The following CAMK2B variants were observed in gnomAD, a reference collection of about 807,000 sequenced individuals.
The protein encoded by CAMK2B is calcium/calmodulin-dependent protein kinase type II subunit beta.
CAMK2B carries 27 observed loss-of-function variants against 93.7 expected under a neutral mutation model. That is an observed-to-expected ratio of 0.29 (90% CI 0.21 to 0.40). CAMK2B has a LOEUF of 0.40. Ranked by LOEUF, CAMK2B falls within the 10% of genes least tolerant of loss-of-function variation. The pLI is 1.00. For synonymous variants in CAMK2B, 374 were observed against 358.8 expected (o/e 1.04, Z -0.48); for missense variants, 568 against 895.8 (o/e 0.63, Z 4.67).
intron 6 of CAMK2B, among the ~76,000 whole-genome samples, chr7:44,244,398 G>C (rs534111803): frequency 6.6e-6 from 1 of 152,060 alleles, no homozygotes; most frequent in Non-Finnish European, 1.5e-5. Context: ...AAACCCCATC[G>C]GGCTCTGGCC....
At chr7:44,267,537 G>A (rs547952998) in intron 2 of CAMK2B, among the ~76,000 whole-genome samples, 23 of 152,300 alleles carry the variant, frequency 1.5e-4, no homozygotes, top group African/African-American at 5.5e-4. Flanking sequence ...AGGCAAGGGC[G>A]TATGTGTGTG....
chr7:44,231,649 C>T (rs1368172032), intron 16 of CAMK2B, among the ~76,000 whole-genome samples: 1 of 152,230 alleles, frequency 6.6e-6, no homozygotes, highest in Non-Finnish European at 1.5e-5. Flanking sequence ...GGCCTGGCCC[C>T]AGGCAGAGCA....
chr7:44,260,906 G>A (rs1422534120), intron 3 of CAMK2B, among the ~76,000 whole-genome samples: 2 of 152,176 alleles, frequency 1.3e-5, no homozygotes, highest in African/African-American at 4.8e-5. Context: ...TCAGCACCCT[G>A]GGCGGAGGGC....
chr7:44,269,583 G>C (rs1425126135), intron 2 of CAMK2B, among the ~76,000 whole-genome samples: 3 of 152,072 alleles, frequency 2.0e-5, no homozygotes, highest in Non-Finnish European at 2.9e-5. Context: ...AGGAACCAGG[G>C]ATAAGGGGAA....
intron 1 of CAMK2B, among the ~76,000 whole-genome samples, chr7:44,307,610 C>A (rs1792265963): frequency 6.6e-6 from 1 of 152,012 alleles, no homozygotes; most frequent in Non-Finnish European, 1.5e-5. Context: ...ACATCAGGGG[C>A]CAACCTACTC....
chr7:44,302,703 C>T (rs1007405353), intron 1 of CAMK2B, among the ~76,000 whole-genome samples: 2 of 152,142 alleles, frequency 1.3e-5, no homozygotes, highest in African/African-American at 4.8e-5. Flanking sequence ...AAAAATCCAA[C>T]ACTGTTTCAT....
In CAMK2B at chr7:44,281,327, T is replaced by A. The variant is rs534348624; in HGVS notation, c.160+2804A>T. On this transcript the variant is annotated intron_variant, in intron 2 of 23. Transcript: ENST00000395749. ...TCCATGATGGGGCAGCCACGGGACA[T>A]ATGAGCTGCTCCCTGGGGCCAGGAG... 1.1e-4 allele frequency among the ~76,000 whole-genome samples: 16 copies of A among 152,310 alleles called. No individual in the cohort carries two copies. The East Asian group carries it at 3.1e-3, about 29-fold the overall frequency.
Position 44,311,414 on chromosome 7 carries a change from G to A in CAMK2B, c.65+13943C>T, listed in dbSNP as rs183226013. On this transcript the variant is annotated intron_variant, in intron 1 of 23. Coordinates refer to ENST00000395749, the MANE Select transcript of CAMK2B (RefSeq NM_001220.5). The surrounding 1 kb of genome is among the most constrained non-coding windows in gnomAD (Gnocchi z 4.2). Reference sequence around the variant, plus strand: ...AAGAAGAACTCCTTTATCACCATGTGGCAAATCAAATTCTTAACCTCTAGT... The same window carrying A: ...AAGAAGAACTCCTTTATCACCATGTAGCAAATCAAATTCTTAACCTCTAGT... 4.2e-4 allele frequency among the ~76,000 whole-genome samples: 64 copies of A among 152,316 alleles called. 1 individual carries two copies. Among genetic ancestry groups the A allele is most frequent in the Admixed American group, 3.9e-3 (60 of 15,310 alleles).
chr7:44,308,086 C>T (rs2115927590), intron 1 of CAMK2B, among the ~76,000 whole-genome samples: 1 of 152,290 alleles, frequency 6.6e-6, no homozygotes. Context: ...GCTGGGAGGG[C>T]CTGCTGTGGC....
At position 44,226,190 on chromosome 7, in the gene CAMK2B, G is replaced by A. The variant is rs530699377; in HGVS notation, c.1597+326C>T. On this transcript the variant is annotated intron_variant, in intron 20 of 23. Coordinates refer to ENST00000395749, the MANE Select transcript of CAMK2B (RefSeq NM_001220.5). ...TGGCGTGCTAGCCCTTGCCACACGC[G>A]CAGACCCTTTGCCACCCATTCCCCT... is the stretch of plus-strand genomic sequence containing the variant. Among the ~76,000 whole-genome samples the A allele has an allele frequency of 2.9e-4, 44 of 152,236 alleles. 1 individual carries two copies. The South Asian group carries it at 3.9e-3, about 14-fold the overall frequency.
rs1379339011 is a variant in CAMK2B, at chr7:44,286,476, G to A, written c.66-2251C>T. ...GTGTCGAGCCCGTCCCCGGAGCAGG[G>A]AGGAGACCCAAGCGCAGCTTCCCAC... On this transcript the variant is annotated intron_variant, in intron 1 of 23. Coordinates refer to ENST00000395749, the MANE Select transcript of CAMK2B (RefSeq NM_001220.5). This position sits in a 1 kb window ranked among gnomAD's most constrained non-coding sequence, Gnocchi z 4.0. 2.0e-5 allele frequency among the ~76,000 whole-genome samples: 3 copies of A among 152,216 alleles called. No individual in the cohort carries two copies. Among genetic ancestry groups the A allele is most frequent in the East Asian group, 3.8e-4 (2 of 5,198 alleles).
At position 44,262,998 on chromosome 7, in the gene CAMK2B, T is replaced by C. The variant is rs374569793; in HGVS notation, c.220+7A>G. ...CCCATCCCCGCTCCCTACCCCAGGC[T>C]GCTCACCGATGTTGGAATGCTTCAG... On this transcript the variant is annotated splice_region_variant and intron_variant, in intron 3 of 23. Coordinates refer to ENST00000395749, the MANE Select transcript of CAMK2B (RefSeq NM_001220.5). The C allele has an allele frequency of 5.0e-6, 8 of 1,612,404 alleles. No individual in the cohort carries two copies. The highest frequency in any genetic ancestry group is 4.0e-5 in the African/African-American group (3 of 74,924).
intron 16 of CAMK2B, 61 bp downstream of exon 16, chr7:44,232,761 C>A: frequency 1.3e-6 from 2 of 1,537,022 alleles, no homozygotes; most frequent in South Asian, 1.1e-5. Flanking sequence ...TGCCCCAGAC[C>A]TCTCTCCTGG....
At chr7:44,274,122 G>T (rs1042520604) in intron 2 of CAMK2B, among the ~76,000 whole-genome samples, 9 of 152,140 alleles carry the variant, frequency 5.9e-5, no homozygotes, top group African/African-American at 2.2e-4. Context: ...CACCCACGGG[G>T]CTCTTCTAAC....
chr7:44,240,842 G>T, intron 11 of CAMK2B, 93 bp from the exon 12 acceptor site: 1 of 1,333,314 alleles, frequency 7.5e-7, no homozygotes, highest in Non-Finnish European at 1.1e-6. Flanking sequence ...CTGCCCAGAT[G>T]CTCAGCCTCA....
chr7:44,307,168 CAG>C (rs1792055747), intron 1 of CAMK2B, among the ~76,000 whole-genome samples: 1 of 95,420 alleles, frequency 1.0e-5, no homozygotes, highest in Admixed American at 1.1e-4. Flanking sequence ...AGGGTGTGAG[CAG>C]AGGGAGGAGG....
intron 1 of CAMK2B, among the ~76,000 whole-genome samples, chr7:44,288,219 G>A (rs561674865): frequency 6.6e-5 from 10 of 152,364 alleles, no homozygotes; most frequent in Admixed American, 3.9e-4. Flanking sequence ...TAGGCTCCCC[G>A]CCTCTCCACC....
chr7:44,272,849 T>A (rs2096987493), intron 2 of CAMK2B, among the ~76,000 whole-genome samples: 1 of 152,192 alleles, frequency 6.6e-6, no homozygotes, highest in Non-Finnish European at 1.5e-5. Flanking sequence ...CTTTTCAGGA[T>A]CAGAACCATC....
intron 1 of CAMK2B, among the ~76,000 whole-genome samples, chr7:44,307,015 A>AGGAGGAGGGTGTGAGCAGGG (rs1791915442): frequency 7.2e-5 from 5 of 69,542 alleles, no homozygotes; most frequent in Admixed American, 1.5e-4. Context: ...TGTGAGCAGG[A>AGGAGGAGGGTGTGAGCAGGG]AGAAGAGGGT....
Sources: gnomAD v4.1 joint callset for allele counts (sites outside exome capture counted in the v4.1 genomes callset) on GRCh38, gnomAD v4.1.1 for gene constraint, Gnocchi (gnomAD v3.1) non-coding constraint, MANE v1.5 for transcripts, NCBI Gene and HGNC (gene_info 2026-07-23, HGNC 2026-07-21) for gene names.